The following CCDC14 variants were observed in gnomAD, a reference collection of about 807,000 sequenced individuals.
The protein encoded by CCDC14 is coiled-coil domain containing 14, also known as coiled-coil domain-containing protein 14.
In CCDC14, 71 loss-of-function variants were observed where a neutral mutation model predicts 81.4. That is an observed-to-expected ratio of 0.87 (90% CI 0.72 to 1.06). The LOEUF is 1.06. CCDC14 is among the 50% of genes least tolerant of loss of function. CCDC14 has a pLI of 0.00. For synonymous variants in CCDC14, 332 were observed against 364.8 expected, an observed-to-expected ratio of 0.91 and a Z score of 1.03; for missense variants, 1,046 against 1,047.3, an observed-to-expected ratio of 1.00 and a Z score of 0.02.
intron 5 of CCDC14, among the ~76,000 whole-genome samples, chr3:123,900,869 A>G (rs1440156516): frequency 6.6e-6 from 1 of 152,184 alleles, no homozygotes; most frequent in Non-Finnish European, 1.5e-5. Context: ...TTGGAATTAG[A>G]TAAAATGATT....
At position 123,955,901 on chromosome 3, in the gene CCDC14, T is replaced by G. The variant is rs1229016462; in HGVS notation, c.294A>C (p.Gly98=). ...NSRPLESKRY[G]SKKKRHEKHT... is the part of the protein sequence containing the mutation. ...GTTTTTCATGTCTTTTCTTTTTTGA[T>G]CCGTATCTTTTGCTTTCTAAAGGTC... is the stretch of plus-strand genomic sequence containing the variant. Residue 98 remains glycine, a synonymous_variant, in exon 5 of 13, where the codon GGA becomes GGC. Transcript: ENST00000409697. 3.9e-6 allele frequency: 6 copies of G among 1,539,042 alleles called. No individual in the cohort carries two copies. Among genetic ancestry groups the G allele is most frequent in the Non-Finnish European group, 5.3e-6 (6 of 1,139,094 alleles).
rs557006604 is a variant in CCDC14, at chr3:123,922,440, T to G, written c.1779-6722A>C. Among the ~76,000 whole-genome samples the G allele has an allele frequency of 1.2e-4, 19 of 152,142 alleles. No homozygotes were observed. The East Asian group carries it at 3.7e-3, about 29-fold the overall frequency. On this transcript the variant is annotated intron_variant, in intron 12 of 12. Coordinates refer to ENST00000409697, the MANE Select transcript of CCDC14 (RefSeq NM_001366335.1). The stretch of plus-strand genomic sequence containing the variant: ...TTCAGCAAAACTGAGTTTGTTTTTT[T>G]GGGAGAAATAAACAAAATTGACAAA...
At chr3:123,906,198 T>C (rs2700369) in intron 5 of CCDC14, among the ~76,000 whole-genome samples, 135,379 of 152,068 alleles carry the variant, frequency 0.89, 60,548 homozygotes, top group East Asian at 1. Flanking sequence ...GGCGTGGTGG[T>C]GGGCACCTGT....
downstream of CCDC14, among the ~76,000 whole-genome samples, chr3:123,910,911 C>A (rs918167367): frequency 6.6e-6 from 1 of 152,138 alleles, no homozygotes; most frequent in African/African-American, 2.4e-5. Context: ...ATCCTGGTCC[C>A]TATCCTCAAG....
intron 5 of CCDC14, among the ~76,000 whole-genome samples, chr3:123,904,285 G>A (rs901197327): frequency 1.3e-5 from 2 of 151,980 alleles, no homozygotes; most frequent in Admixed American, 1.3e-4. Flanking sequence ...TATCTCTGAG[G>A]TCTATATAAA....
intron 12 of CCDC14, among the ~76,000 whole-genome samples, chr3:123,930,383 A>G (rs1336235432): frequency 6.6e-6 from 1 of 152,238 alleles, no homozygotes; most frequent in Admixed American, 6.5e-5. Flanking sequence ...TCATTCGAAG[A>G]CAAAGTCAGA....
At chr3:123,887,934 G>A in the CCDC14 span, among the ~76,000 whole-genome samples, 20,898 of 151,300 alleles carry the variant, frequency 0.14, 2,482 homozygotes, top group East Asian at 0.36. Flanking sequence ...TTCTTCATTT[G>A]TTTTTAAGTT....
chr3:123,915,782 A>G (rs1559763388), intron 12 of CCDC14, 64 bp from the exon 13 acceptor site: 2 of 1,214,646 alleles, frequency 1.6e-6, no homozygotes, highest in Non-Finnish European at 2.3e-6. Context: ...TCACTTATCT[A>G]TACCTCCATC....
downstream of CCDC14, among the ~76,000 whole-genome samples, chr3:123,896,782 T>C (rs2034071961): frequency 6.6e-6 from 1 of 152,220 alleles, no homozygotes. Context: ...TGTACACTGA[T>C]TTTCTGTACT....
chr3:123,938,835 G>A (rs941961545), intron 9 of CCDC14, among the ~76,000 whole-genome samples: 24 of 151,816 alleles, frequency 1.6e-4, no homozygotes, highest in Admixed American at 1.6e-3. Context: ...AAACTGATTA[G>A]GCAAATATTT....
chr3:123,938,538 C>T (rs1321938450), intron 9 of CCDC14, among the ~76,000 whole-genome samples: 1 of 151,906 alleles, frequency 6.6e-6, no homozygotes, highest in East Asian at 1.9e-4. Flanking sequence ...ATCATGTCAT[C>T]TGTGAACAAA....
At chr3:123,922,220 A>G (rs768534609) in intron 12 of CCDC14, among the ~76,000 whole-genome samples, 4 of 152,206 alleles carry the variant, frequency 2.6e-5, no homozygotes, top group Non-Finnish European at 4.4e-5. Context: ...GGGATGCAGC[A>G]AAAGCAATTC....
chr3:123,907,755 T>A (rs763451880), intron 5 of CCDC14, among the ~76,000 whole-genome samples: 1 of 151,840 alleles, frequency 6.6e-6, no homozygotes, highest in Non-Finnish European at 1.5e-5. Flanking sequence ...GGGTAAACCA[T>A]TCTTCTTCGA....
At position 123,946,997 on chromosome 3, in the gene CCDC14, G is replaced by A; in HGVS notation, c.1007C>T (p.Ala336Val). The change falls in exon 8 of 13, where the codon GCC becomes GTC. Residue 336 changes from alanine (A) to valine (V), a missense_variant. By Grantham distance (64) the Ala-to-Val change is moderately conservative. Transcript: ENST00000409697. The stretch of plus-strand genomic sequence containing the variant: ...TCTGGCACATTTTTCTTCATTAGTG[G>A]CCAAGAAAGCTGGTTGTGACTGAGT... ...SPTQSQPAFL[A>V]TNEEKCAREQ... 6.2e-7 allele frequency: 1 copy of A among 1,613,878 alleles called. No individual in the cohort carries two copies. The highest frequency in any genetic ancestry group is 8.5e-7 in the Non-Finnish European group (1 of 1,179,846).
intron 9 of CCDC14, 30 bp downstream of exon 9, chr3:123,944,819 A>G (rs1330378981): frequency 1.3e-6 from 2 of 1,581,880 alleles, no homozygotes; most frequent in Non-Finnish European, 1.7e-6. Flanking sequence ...CTTTGCATAC[A>G]GACAAAAATA....
chr3:123,942,467 T>C (rs956543464), intron 9 of CCDC14, among the ~76,000 whole-genome samples: 1 of 152,074 alleles, frequency 6.6e-6, no homozygotes, highest in African/African-American at 2.4e-5. Context: ...CCCCATCTTA[T>C]ATCGTAGTAG....
At chr3:123,941,057 T>C (rs775940443) in intron 9 of CCDC14, among the ~76,000 whole-genome samples, 2 of 147,182 alleles carry the variant, frequency 1.4e-5, no homozygotes, top group Non-Finnish European at 3.1e-5. Flanking sequence ...GGCTACATAA[T>C]GGTCTCATAG....
At chr3:123,935,272 C>T (rs912763547) in intron 9 of CCDC14, among the ~76,000 whole-genome samples, 2 of 152,174 alleles carry the variant, frequency 1.3e-5, no homozygotes, top group Non-Finnish European at 2.9e-5. Context: ...ATAACATTTT[C>T]TGATGATAGT....
At chr3:123,959,788 T>G (rs1447020614) in intron 1 of CCDC14, among the ~76,000 whole-genome samples, 15 of 129,262 alleles carry the variant, frequency 1.2e-4, no homozygotes, top group Admixed American at 1.1e-3. Context: ...TTTTTTCATA[T>G]GCATTTTTTA....
Sources: gnomAD v4.1 joint callset for allele counts (sites outside exome capture counted in the v4.1 genomes callset) on GRCh38, gnomAD v4.1.1 for gene constraint, MANE v1.5 for transcripts, NCBI Gene and HGNC (gene_info 2026-07-23, HGNC 2026-07-21) for gene names.